PBRM1: variants seen among roughly 807,000 people sequenced by gnomAD.
PBRM1 encodes protein polybromo-1.
In PBRM1, 27 loss-of-function variants were observed where a neutral mutation model predicts 194.5. The observed-to-expected ratio is 0.14, with a 90% CI of 0.10 to 0.19. PBRM1 has a LOEUF of 0.19. Ranked by LOEUF, PBRM1 falls within the 10% of genes least tolerant of loss-of-function variation. PBRM1 has a pLI of 1.00. For synonymous variants in PBRM1, 655 were observed against 693.2 expected (o/e 0.94, Z 0.87); for missense variants, 1,466 against 2,077.2 (o/e 0.71, Z 5.72).
intron 17 of PBRM1, among the ~76,000 whole-genome samples, chr3:52,598,091 A>T (rs779862217): frequency 1.3e-5 from 2 of 152,218 alleles, no homozygotes; most frequent in Non-Finnish European, 1.5e-5. Flanking sequence ...TCTGAATGGA[A>T]AACAACTTCA....
At chr3:52,612,908 A>G (rs75057324) in intron 15 of PBRM1, among the ~76,000 whole-genome samples, 3 of 120,858 alleles carry the variant, frequency 2.5e-5, no homozygotes, top group Non-Finnish European at 4.7e-5. Flanking sequence ...TCCGTCTCAA[A>G]AAAAAAAAAA....
chr3:52,631,095 A>T (rs1413663493), intron 11 of PBRM1, among the ~76,000 whole-genome samples: 2 of 152,152 alleles, frequency 1.3e-5, no homozygotes, highest in African/African-American at 4.8e-5. Context: ...TGTTATTTTA[A>T]TAAGACCAAA....
At chr3:52,550,244 A>G (rs1479247975) in intron 29 of PBRM1, among the ~76,000 whole-genome samples, 177 bp downstream of exon 31, 1 of 152,054 alleles carries the variant, frequency 6.6e-6, no homozygotes, top group East Asian at 1.9e-4. Context: ...AAAACAAACC[A>G]TTTTCAGTGT....
intron 10 of PBRM1, among the ~76,000 whole-genome samples, chr3:52,640,462 C>T (rs58592632): frequency 1.3e-4 from 19 of 151,738 alleles, no homozygotes; most frequent in African/African-American, 4.1e-4. Flanking sequence ...GTAGAGACAG[C>T]GTTTTGCCAT....
At chr3:52,583,096 C>CAAAAAAAAAA (rs1157790825) in intron 20 of PBRM1, among the ~76,000 whole-genome samples, 1 of 62,060 alleles carries the variant, frequency 1.6e-5, no homozygotes, top group Non-Finnish European at 2.7e-5. Context: ...GACTCCATCT[C>CAAAAAAAAAA]AAAAAAAAAA....
chr3:52,667,261 T>C (rs1453848055), intron 3 of PBRM1, among the ~76,000 whole-genome samples: 1 of 152,100 alleles, frequency 6.6e-6, no homozygotes, highest in Non-Finnish European at 1.5e-5. Context: ...TGAAACAAGA[T>C]ACAAATAAAC....
intron 24 of PBRM1, among the ~76,000 whole-genome samples, chr3:52,562,683 A>G (rs998005403): frequency 6.6e-6 from 1 of 151,888 alleles, no homozygotes; most frequent in Admixed American, 6.6e-5. Flanking sequence ...AGCTGGGACT[A>G]CAGGTGTGCA....
chr3:52,604,783 G>C (rs569860978), intron 16 of PBRM1, among the ~76,000 whole-genome samples: 1 of 151,948 alleles, frequency 6.6e-6, no homozygotes, highest in South Asian at 2.1e-4. Flanking sequence ...GGCCAAAATG[G>C]TGAAACCCAG....
At chr3:52,590,448 T>G (rs1424350502) in intron 17 of PBRM1, among the ~76,000 whole-genome samples, 2 of 150,354 alleles carry the variant, frequency 1.3e-5, no homozygotes, top group Admixed American at 1.3e-4. Context: ...AGAGCAATAC[T>G]CCATTTCAAA....
At chr3:52,557,294 T>C (rs542393814) in intron 26 of PBRM1, among the ~76,000 whole-genome samples, 50 of 152,288 alleles carry the variant, frequency 3.3e-4, no homozygotes, top group African/African-American at 1.1e-3. Flanking sequence ...GGAGCGACAA[T>C]GGAAAAGTTA....
At chr3:52,579,027 C>T (rs781104394) in intron 21 of PBRM1, 27 bp downstream of exon 23, 14 of 1,612,028 alleles carry the variant, frequency 8.7e-6, no homozygotes, top group Non-Finnish European at 1.1e-5. Flanking sequence ...GATTCAACCT[C>T]ATCTTCCCTA....
chr3:52,648,184 G>C (rs2096382730), intron 7 of PBRM1, among the ~76,000 whole-genome samples, 160 bp downstream of exon 8: 1 of 152,184 alleles, frequency 6.6e-6, no homozygotes, highest in Admixed American at 6.5e-5. Flanking sequence ...CGGGATTACA[G>C]GCGTGAGCCA....
intron 5 of PBRM1, among the ~76,000 whole-genome samples, chr3:52,655,096 T>C (rs1220219083): frequency 6.6e-6 from 1 of 152,142 alleles, no homozygotes; most frequent in Admixed American, 6.6e-5. Context: ...TTTCATGTAG[T>C]AACATGAAAT....
chr3:52,594,332 CTTCT>C (rs756885842), intron 17 of PBRM1, among the ~76,000 whole-genome samples: 2 of 152,060 alleles, frequency 1.3e-5, no homozygotes, highest in Non-Finnish European at 2.9e-5. Flanking sequence ...ATGTAGTGCC[CTTCT>C]TTGTCTTTTT....
At chr3:52,587,003 T>TTG (rs538427811) in intron 19 of PBRM1, among the ~76,000 whole-genome samples, 166 of 152,124 alleles carry the variant, frequency 1.1e-3, no homozygotes, top group Non-Finnish European at 1.6e-3. Context: ...TGAAGAGGGC[T>TTG]TGTGTGTGTG....
intron 22 of PBRM1, among the ~76,000 whole-genome samples, chr3:52,575,447 A>C (rs138385814): frequency 1.1e-3 from 162 of 152,112 alleles, no homozygotes; most frequent in African/African-American, 3.7e-3. Flanking sequence ...AAATGAACAG[A>C]AATTGTTCCT....
chr3:52,550,482 T>C, exon 29 of PBRM1: 1 of 1,580,516 alleles, frequency 6.3e-7, no homozygotes, highest in South Asian at 1.2e-5. Context: ...CTTCAATGTA[T>C]TTCAGGTAGG....
At position 52,658,184 on chromosome 3, in the gene PBRM1, A is replaced by T; in HGVS notation, c.645+15T>A. 8.3e-7 allele frequency: 1 copy of T among 1,200,958 alleles called. No individual in the cohort carries two copies. Among genetic ancestry groups the T allele is most frequent in the Non-Finnish European group, 1.2e-6 (1 of 804,072 alleles). The allele number at this position is 1,200,958 out of a possible 1,614,324, so 74.4% of individuals were successfully genotyped here. ...AAAACACTGACATGTACCTGTTTTT[A>T]ACTGCATCACTTACCACTTTAGAAG... On this transcript the variant is annotated intron_variant, in intron 5 of 29. Coordinates refer to ENST00000296302, the Ensembl canonical transcript of PBRM1.
chr3:52,587,299 A>G (rs559254388), intron 19 of PBRM1, 54 bp downstream of exon 21: 90 of 1,307,012 alleles, frequency 6.9e-5, no homozygotes, highest in Non-Finnish European at 9.3e-5. Context: ...TCTGTGTTTT[A>G]AAATTTTATT....
Sources: gnomAD v4.1 joint callset for allele counts (sites outside exome capture counted in the v4.1 genomes callset) on GRCh38, gnomAD v4.1.1 for gene constraint, MANE v1.5 for transcripts, NCBI Gene and HGNC (gene_info 2026-07-23, HGNC 2026-07-21) for gene names.